The following PDE12 variants were observed in gnomAD, a reference collection of about 807,000 sequenced individuals.
PDE12 encodes the protein 2',5'-phosphodiesterase 12.
In PDE12, 26 loss-of-function variants were observed where a neutral mutation model predicts 45.4. The observed-to-expected ratio is 0.57, with a 90% confidence interval of 0.42 to 0.79. The LOEUF (loss-of-function observed/expected upper bound fraction) is 0.79, where lower values mean the gene tolerates loss of function less well. Ranked by LOEUF, PDE12 falls within the 30% of genes least tolerant of loss-of-function variation. The pLI, the probability that PDE12 is intolerant of heterozygous loss-of-function variation, is 0.00. For synonymous variants in PDE12, 283 were observed against 323.9 expected (o/e 0.87, Z 1.36); for missense variants, 668 against 790.0 (o/e 0.85, Z 1.85).
At chr3:57,622,213 G>T in the PDE12 span, among the ~76,000 whole-genome samples, 4 of 151,990 alleles carry the variant, frequency 2.6e-5, no homozygotes, top group Non-Finnish European at 5.9e-5. Flanking sequence ...CAAACAAAAA[G>T]AACATTATAG....
At chr3:57,580,302 T>C in the PDE12 span, among the ~76,000 whole-genome samples, 10 of 152,214 alleles carry the variant, frequency 6.6e-5, no homozygotes, top group Admixed American at 6.5e-4. Flanking sequence ...AGATCATTGT[T>C]CTTGGCTTAT....
At position 57,557,058 on chromosome 3, in the gene PDE12, G is replaced by A. The variant is rs2069670918; in HGVS notation, c.679G>A (p.Glu227Lys). The A allele has an allele frequency of 6.2e-7, 1 of 1,613,902 alleles. No homozygotes were observed. The highest frequency in any genetic ancestry group is 8.5e-7 in the Non-Finnish European group (1 of 1,180,016). Residue 227 changes from glutamate to lysine, a missense_variant, in exon 1 of 3, where the codon GAG becomes AAG. By Grantham distance (56) the Glu-to-Lys change is moderately conservative. Coordinates refer to ENST00000311180, the MANE Select transcript of PDE12 (RefSeq NM_177966.7). ...SPSSPSSSWT[E>K]TDVEERVYTP... ...CTCCTCACCTTCTTCTTCTTGGACT[G>A]AGACTGATGTGGAGGAGCGTGTCTA...
the PDE12 span, chr3:57,584,257 C>T: frequency 1.0e-6 from 1 of 977,488 alleles, no homozygotes; most frequent in Non-Finnish European, 1.6e-6. Flanking sequence ...GCCACCACAC[C>T]CGGCCTGTTT....
chr3:57,570,558 A>T (rs1291465310), downstream of PDE12, among the ~76,000 whole-genome samples: 2 of 152,036 alleles, frequency 1.3e-5, no homozygotes, highest in Admixed American at 6.6e-5. Flanking sequence ...ACATTTTTTT[A>T]AAAGTATGCA....
In PDE12 at chr3:57,561,833, G is replaced by C; in HGVS notation, c.*1829G>C. 1 of 985,118 alleles carries C rather than the reference G, an allele frequency of 1.0e-6. No individual in the cohort carries two copies. Among genetic ancestry groups the C allele is most frequent in the Non-Finnish European group, 1.2e-6 (1 of 829,764 alleles). 61.0% of individuals were successfully genotyped at this position (985,118 alleles called of 1,614,324 possible). A position where few individuals can be genotyped will look rare whatever the true frequency, so the allele number is the denominator to read the frequency against. Reference sequence around the variant, plus strand: ...ACACTTAGTAAGTTTGAAAATGAAGGGGTTTTATCTGCATTTGACATTGAA... The same window carrying C: ...ACACTTAGTAAGTTTGAAAATGAAGCGGTTTTATCTGCATTTGACATTGAA... On this transcript the variant is annotated 3_prime_UTR_variant, in exon 3 of 3. Transcript: ENST00000311180.
chr3:57,598,799 CAAAA>C, the PDE12 span, among the ~76,000 whole-genome samples: 2 of 151,932 alleles, frequency 1.3e-5, no homozygotes, highest in Non-Finnish European at 2.9e-5. Context: ...ACAACAACAA[CAAAA>C]AAACCCCAAA....
At chr3:57,597,486 C>T in the PDE12 span, 1 of 196,676 alleles carries the variant, frequency 5.1e-6, no homozygotes, top group Non-Finnish European at 1.1e-5. Flanking sequence ...GCTTCCGGTG[C>T]GCCCGAGCCA....
At position 57,564,081 on chromosome 3, in the gene PDE12, C is replaced by A. The variant is rs1274792422; in HGVS notation, c.*4077C>A. On this transcript the variant is annotated 3_prime_UTR_variant, in exon 3 of 3. Transcript: ENST00000311180. ...TAGCACTAACTTCAAAATAACCATA[C>A]AGTACTGCTTGTAATTTTTGTATTT... is the stretch of plus-strand genomic sequence containing the variant. 1 of 152,074 alleles carries A rather than the reference C, an allele frequency of 6.6e-6. No individual in the cohort carries two copies. The highest frequency in any genetic ancestry group is 1.5e-5 in the Non-Finnish European group (1 of 68,022). 9.4% of individuals were successfully genotyped at this position (152,074 alleles called of 1,614,324 possible).
At chr3:57,604,702 T>C in the PDE12 span, among the ~76,000 whole-genome samples, 3 of 150,814 alleles carry the variant, frequency 2.0e-5, no homozygotes, top group Non-Finnish European at 4.4e-5. Flanking sequence ...AACCTCTAGC[T>C]CTTGGGCTCA....
chr3:57,582,751 A>T, the PDE12 span, among the ~76,000 whole-genome samples: 1 of 128,570 alleles, frequency 7.8e-6, no homozygotes, highest in East Asian at 2.8e-4. Context: ...ACTTAAAAAA[A>T]ATTATTAAGT....
At chr3:57,621,802 GA>G in the PDE12 span, among the ~76,000 whole-genome samples, 625 of 139,418 alleles carry the variant, frequency 4.5e-3, 4 homozygotes, top group South Asian at 0.012. Context: ...TTTAAAAAAT[GA>G]AAAAAAAAAA....
At chr3:57,641,777 A>G in the PDE12 span, 2 of 1,558,002 alleles carry the variant, frequency 1.3e-6, no homozygotes, top group Middle Eastern at 1.7e-4. Flanking sequence ...ACAAAATAAA[A>G]AAGGTGAGAA....
chr3:57,624,742 T>C, the PDE12 span, among the ~76,000 whole-genome samples: 18 of 150,818 alleles, frequency 1.2e-4, no homozygotes, highest in African/African-American at 4.4e-4. Flanking sequence ...CCAACCTGGG[T>C]GACAGTGCAA....
At chr3:57,557,895 G>GGC in intron 1 of PDE12, among the ~76,000 whole-genome samples, 1 of 152,318 alleles carries the variant, frequency 6.6e-6, no homozygotes, top group Non-Finnish European at 1.5e-5. Context: ...CATACTGCAG[G>GGC]TTGCCTTGAA....
At chr3:57,651,808 A>G in the PDE12 span, among the ~76,000 whole-genome samples, 1 of 152,232 alleles carries the variant, frequency 6.6e-6, no homozygotes, top group African/African-American at 2.4e-5. Flanking sequence ...CTCACTGGCT[A>G]AACTGGGACA....
At chr3:57,572,486 G>A in the PDE12 span, among the ~76,000 whole-genome samples, 9 of 151,540 alleles carry the variant, frequency 5.9e-5, no homozygotes, top group East Asian at 7.8e-4. Flanking sequence ...TTTGGGAGGC[G>A]GAGATGGGAG....
chr3:57,631,105 ACTCCCC>A, the PDE12 span: 1 of 730,398 alleles, frequency 1.4e-6, no homozygotes, highest in Non-Finnish European at 2.3e-6. Flanking sequence ...CAACTCCATC[ACTCCCC>A]ACAAGAGATA....
At chr3:57,569,698 G>T (rs1329661465), downstream of PDE12, among the ~76,000 whole-genome samples, 1 of 151,876 alleles carries the variant, frequency 6.6e-6, no homozygotes, top group Non-Finnish European at 1.5e-5. Flanking sequence ...TGGGCATGGT[G>T]GCTCATGCCT....
chr3:57,602,278 T>G, the PDE12 span, among the ~76,000 whole-genome samples: 1 of 152,132 alleles, frequency 6.6e-6, no homozygotes, highest in South Asian at 2.1e-4. Flanking sequence ...ACAGTATAAT[T>G]TTTGCCATTT....
Sources: gnomAD v4.1 joint callset for allele counts (sites outside exome capture counted in the v4.1 genomes callset) on GRCh38, gnomAD v4.1.1 for gene constraint, MANE v1.5 for transcripts, NCBI Gene and HGNC (gene_info 2026-07-23, HGNC 2026-07-21) for gene names.